The following FRMD8 variants were observed in gnomAD, a reference collection of about 807,000 sequenced individuals.
FRMD8 encodes the protein FERM domain-containing protein 8.
FRMD8 carries 37 observed loss-of-function variants against 54.2 expected under a neutral mutation model. That is an observed-to-expected ratio of 0.68 (90% CI 0.53 to 0.90). FRMD8 has a LOEUF of 0.90. Ranked by LOEUF, FRMD8 falls within the 40% of genes least tolerant of loss-of-function variation. FRMD8 has a pLI of 0.00. For missense variants in FRMD8, 585 were observed against 653.7 expected, an observed-to-expected ratio of 0.89 and a Z score of 1.15; for synonymous variants, 246 against 286.9, an observed-to-expected ratio of 0.86 and a Z score of 1.44.
At chr11:65,390,792 T>G (rs1299120985) in intron 3 of FRMD8, among the ~76,000 whole-genome samples, 1 of 152,260 alleles carries the variant, frequency 6.6e-6, no homozygotes, top group African/African-American at 2.4e-5. Context: ...CAGAGCCTGC[T>G]GGGCAGCCTG....
chr11:65,379,257 GTTCCCCTC>G, the FRMD8 span: 2 of 1,207,350 alleles, frequency 1.7e-6, no homozygotes, highest in Non-Finnish European at 2.3e-6. Context: ...CAGGCCTCTT[GTTCCCCTC>G]CAAGAGGCCT....
intron 9 of FRMD8, among the ~76,000 whole-genome samples, chr11:65,401,237 C>G (rs1856072307): frequency 6.6e-6 from 1 of 152,022 alleles, no homozygotes; most frequent in African/African-American, 2.4e-5. Context: ...TTGGGCCTCT[C>G]CAAGCCTGTG....
In FRMD8 at chr11:65,387,091, C is replaced by T; in HGVS notation, c.55C>T (p.Arg19Ter). 1 of 1,607,982 alleles carries T rather than the reference C, an allele frequency of 6.2e-7. No individual in the cohort carries two copies. The highest frequency in any genetic ancestry group is 8.5e-7 in the Non-Finnish European group (1 of 1,180,012). ...GQPGPAERSH[R>*]SSVSSVGARA... ...GCCCGGCCCCGCTGAGCGATCCCACCGAAGCAGCGTGTCCTCCGTGGGAGC... is the reference window on the plus strand; with the variant it reads ...GCCCGGCCCCGCTGAGCGATCCCACTGAAGCAGCGTGTCCTCCGTGGGAGC... Residue 19 changes from arginine to a stop codon, truncating the protein, a stop_gained, in exon 2 of 11, where the codon CGA becomes TGA. Coordinates refer to ENST00000317568, the MANE Select transcript of FRMD8 (RefSeq NM_031904.5). LOFTEE classifies it high-confidence loss of function.
chr11:65,379,532 G>A, the FRMD8 span: 1 of 1,612,322 alleles, frequency 6.2e-7, no homozygotes, highest in Non-Finnish European at 8.5e-7. Context: ...TGGCAATGGG[G>A]AAGCTCATTC....
At chr11:65,377,515 C>T in the FRMD8 span, 13 of 685,702 alleles carry the variant, frequency 1.9e-5, no homozygotes, top group Admixed American at 1.6e-4. Context: ...GAGGTCCCCT[C>T]GTGAGTGCTG....
chr11:65,379,792 G>T, the FRMD8 span: 1 of 1,568,886 alleles, frequency 6.4e-7, no homozygotes. Context: ...AACCCTGCTG[G>T]AGAGGGAAGC....
Position 65,411,597 on chromosome 11 carries a change from T to C in FRMD8, c.*237T>C, listed in dbSNP as rs1044141289. On this transcript the variant is annotated 3_prime_UTR_variant, in exon 11 of 11. Transcript: ENST00000317568. ...GCAGCCTGCCCTCCCTTCCCCCGGA[T>C]GCTGGGCCCTGCTGCTCTCTCAGGA... The C allele has an allele frequency of 2.6e-5, 11 of 415,974 alleles. No homozygotes were observed. Among genetic ancestry groups the C allele is most frequent in the African/African-American group, 1.4e-4 (7 of 49,044 alleles). The allele number at this position is 415,974 out of a possible 1,614,324, so 25.8% of individuals were successfully genotyped here.
chr11:65,405,135 C>T, intron 10 of FRMD8, 67 bp downstream of exon 10: 1 of 1,481,332 alleles, frequency 6.8e-7, no homozygotes, highest in Non-Finnish European at 9.4e-7. Flanking sequence ...GGGGGGAGTT[C>T]CTGAGGACAG....
At chr11:65,376,005 G>C in the FRMD8 span, 1 of 187,782 alleles carries the variant, frequency 5.3e-6, no homozygotes, top group Non-Finnish European at 1.1e-5. Context: ...GAAAGGCGGA[G>C]GTTGCAGTGA....
upstream of FRMD8, among the ~76,000 whole-genome samples, chr11:65,386,230 C>T (rs558021170): frequency 6.6e-6 from 1 of 152,284 alleles, no homozygotes; most frequent in South Asian, 2.1e-4. Context: ...TGAGTCTGGG[C>T]CAGGACTCAT....
chr11:65,389,265 GC>G (rs923767645), intron 2 of FRMD8, 95 bp from the exon 3 acceptor site: 72 of 1,216,970 alleles, frequency 5.9e-5, no homozygotes, highest in Middle Eastern at 4.9e-4. Flanking sequence ...TAGGGTGGGG[GC>G]TCCAGCCCCA....
rs1048167428 is a variant in FRMD8 at position 65,404,720 on chromosome 11, C to T, written c.1072-144C>T. ...TCACAGTCACCCAAGTGGGACACCTCCCCTGCCTCCCTGCTCCCTCCCTCC... is the reference window on the plus strand; with the variant it reads ...TCACAGTCACCCAAGTGGGACACCTTCCCTGCCTCCCTGCTCCCTCCCTCC... On this transcript the variant is annotated intron_variant, in intron 9 of 10. Coordinates refer to ENST00000317568, the MANE Select transcript of FRMD8 (RefSeq NM_031904.5). The surrounding 1 kb of genome is among the most constrained non-coding windows in gnomAD (Gnocchi z 4.7). 34 of 670,246 alleles carry T rather than the reference C, an allele frequency of 5.1e-5. No homozygotes were observed. Among genetic ancestry groups the T allele is most frequent in the Non-Finnish European group, 7.4e-5 (29 of 389,616 alleles). 41.5% of individuals were successfully genotyped at this position (670,246 alleles called of 1,614,324 possible). A position where few individuals can be genotyped will look rare whatever the true frequency, so the allele number is the denominator to read the frequency against.
the FRMD8 span, chr11:65,380,851 G>A: frequency 1.6e-5 from 5 of 307,754 alleles, no homozygotes; most frequent in South Asian, 1.3e-4. Context: ...CAGGGCCCGG[G>A]ACTGCGGCCC....
chr11:65,394,890 C>T (rs1487055853), intron 6 of FRMD8, among the ~76,000 whole-genome samples: 1 of 152,238 alleles, frequency 6.6e-6, no homozygotes, highest in African/African-American at 2.4e-5. Flanking sequence ...ATTGAGTCTG[C>T]CCTGCCAAAG....
chr11:65,389,290 G>A, intron 2 of FRMD8, 71 bp from the exon 3 acceptor site: 1 of 1,496,578 alleles, frequency 6.7e-7, no homozygotes, highest in Non-Finnish European at 9.2e-7. Flanking sequence ...GGTGGTAGAG[G>A]GTGCCTGGTT....
At chr11:65,379,944 T>G in the FRMD8 span, 1 of 1,614,084 alleles carries the variant, frequency 6.2e-7, no homozygotes, top group Non-Finnish European at 8.5e-7. Flanking sequence ...CTCACCTGGG[T>G]GGGAGGACAG....
chr11:65,400,979 G>C lies in FRMD8; in HGVS notation c.1071+112G>C, dbSNP rs545813843. On this transcript the variant is annotated intron_variant, in intron 9 of 10. Coordinates refer to ENST00000317568, the MANE Select transcript of FRMD8 (RefSeq NM_031904.5). The surrounding 1 kb of genome is among the most constrained non-coding windows in gnomAD (Gnocchi z 4.3). ...GCAAGGAGGTGAGAAGCTGCCTTGG[G>C]CCTGAGGATGAAAGCGGCCTGGGCA... 3.0e-5 allele frequency: 38 copies of C among 1,249,870 alleles called. No homozygotes were observed. The East Asian group carries it at 8.4e-4, about 28-fold the overall frequency. 77.4% of individuals were successfully genotyped at this position (1,249,870 alleles called of 1,614,324 possible).
At position 65,394,396 on chromosome 11, in the gene FRMD8, G is replaced by T. The variant is rs754427699; in HGVS notation, c.552G>T (p.Gln184His). The change falls in exon 6 of 11, where the codon CAG becomes CAT. Residue 184 changes from glutamine to histidine, a missense_variant. Transcript: ENST00000317568. ...GCCGCGTGCAGCTTGGGCCCTACCA[G>T]CCCGGCCGGCCGGCAGCCTGCGACC... ...LVCRVQLGPY[Q>H]PGRPAACDLR... 1.3e-6 allele frequency: 2 copies of T among 1,569,824 alleles called. No individual in the cohort carries two copies. Among genetic ancestry groups the T allele is most frequent in the Middle Eastern group, 1.7e-4 (1 of 5,964 alleles).
intron 2 of FRMD8, among the ~76,000 whole-genome samples, chr11:65,389,111 G>A (rs867632127): frequency 1.8e-4 from 27 of 152,236 alleles, no homozygotes; most frequent in Admixed American, 2.6e-4. Context: ...CTGGGCAGGA[G>A]TTACTGGGTT....
Sources: gnomAD v4.1 joint callset for allele counts (sites outside exome capture counted in the v4.1 genomes callset) on GRCh38, gnomAD v4.1.1 for gene constraint, Gnocchi (gnomAD v3.1) non-coding constraint, MANE v1.5 for transcripts, NCBI Gene and HGNC (gene_info 2026-07-23, HGNC 2026-07-21) for gene names.